Variants in RAB20 observed in about 807,000 individuals in gnomAD.
The protein encoded by RAB20 is RAB20, member RAS oncogene family, also known as ras-related protein Rab-20.
RAB20 carries 2 observed loss-of-function variants against 3.7 expected under a neutral mutation model. The ratio of observed to expected loss-of-function variants is 0.54; its 90% CI spans 0.22 to 1.69. The LOEUF is 1.69. RAB20 is among the 40% of genes most tolerant of loss of function. The pLI, the probability that RAB20 is intolerant of heterozygous loss-of-function variation, is 0.19. For synonymous variants in RAB20, 126 were observed against 130.8 expected, an observed-to-expected ratio of 0.96 and a Z score of 0.25; for missense variants, 276 against 311.9, an observed-to-expected ratio of 0.88 and a Z score of 0.87.
chr13:110,561,482 TC>T lies in RAB20; in HGVS notation c.37del (p.Asp13ThrfsTer2). 6.3e-7 allele frequency: 1 copy of T among 1,596,700 alleles called. No individual in the cohort carries two copies. ...KPDSKIVLLGDMNVGKTSLLQ... is the reference protein window; with the variant it reads ...KPDSKIVLLGXMNVGKTSLLQ... ...CAGCGACGTCTTCCCCACGTTCATGTCCCCCAGGAGCACGATCTTGCTGTCG... is the reference window on the plus strand; with the variant it reads ...CAGCGACGTCTTCCCCACGTTCATGTCCCCAGGAGCACGATCTTGCTGTCG... On this transcript the variant is annotated frameshift_variant, in exon 1 of 2. Coordinates refer to ENST00000267328, the MANE Select transcript of RAB20 (RefSeq NM_017817.3). LOFTEE classifies it high-confidence loss of function.
At chr13:110,533,167 G>T (rs975065659) in intron 1 of RAB20, among the ~76,000 whole-genome samples, 1 of 152,236 alleles carries the variant, frequency 6.6e-6, no homozygotes. Flanking sequence ...GAGGAGCTGT[G>T]ACACACTTCC....
chr13:110,523,999 G>A lies in RAB20; in HGVS notation c.371C>T (p.Ala124Val), dbSNP rs374755378. Reference protein sequence around the residue: ...KVDLTEEGALAGQEKEECSPN... With the variant: ...KVDLTEEGALVGQEKEECSPN... ...ACTGCACTCTTCCTTCTCCTGGCCC[G>A]CCAAGGCCCCCTCCTCAGTGAGGTC... is the stretch of plus-strand genomic sequence containing the variant. Residue 124 changes from alanine to valine, a missense_variant, in exon 2 of 2, where the codon GCG (alanine) becomes GTG (valine). By Grantham distance (64) the Ala-to-Val change is moderately conservative. Coordinates refer to ENST00000267328, the MANE Select transcript of RAB20 (RefSeq NM_017817.3). 13 of 1,614,020 alleles carry A rather than the reference G, an allele frequency of 8.1e-6. No homozygotes were observed. The highest frequency in any genetic ancestry group is 4.0e-5 in the African/African-American group (3 of 75,022).
intron 1 of RAB20, 135 bp downstream of exon 1, chr13:110,561,213 G>T: frequency 8.4e-7 from 1 of 1,188,186 alleles, no homozygotes; most frequent in Non-Finnish European, 1.1e-6. Flanking sequence ...AGGACGAGTG[G>T]GAAACCCCGA....
At chr13:110,557,192 T>C (rs1389185238) in intron 1 of RAB20, among the ~76,000 whole-genome samples, 1 of 152,142 alleles carries the variant, frequency 6.6e-6, no homozygotes, top group African/African-American at 2.4e-5. Context: ...AGGGAGGATG[T>C]GGTGCCAGAG....
chr13:110,537,543 G>C (rs1025519019), intron 1 of RAB20, among the ~76,000 whole-genome samples: 1 of 151,906 alleles, frequency 6.6e-6, no homozygotes, highest in Admixed American at 6.6e-5. Flanking sequence ...AACTCATAAA[G>C]AGGAAAGTGT....
chr13:110,561,303 C>T (rs745591923), intron 1 of RAB20, 45 bp downstream of exon 1: 31 of 1,512,172 alleles, frequency 2.1e-5, no homozygotes, highest in African/African-American at 4.3e-5. Context: ...CCCCCGTCCC[C>T]GGCGGAGCCC....
intron 1 of RAB20, among the ~76,000 whole-genome samples, chr13:110,538,003 G>A (rs914836089): frequency 9.2e-5 from 14 of 152,116 alleles, no homozygotes; most frequent in African/African-American, 2.4e-5. Flanking sequence ...AAGAATGAAG[G>A]CCAAGCCAGG....
chr13:110,552,190 C>T (rs998357133), intron 1 of RAB20, among the ~76,000 whole-genome samples: 1 of 151,224 alleles, frequency 6.6e-6, no homozygotes, highest in African/African-American at 2.4e-5. Context: ...ACTCGCCTGA[C>T]CAACATGGTG....
chr13:110,557,691 C>T (rs1453201981), intron 1 of RAB20, among the ~76,000 whole-genome samples: 1 of 152,268 alleles, frequency 6.6e-6, no homozygotes, highest in Non-Finnish European at 1.5e-5. Context: ...GAGCTGGATG[C>T]CGGCACAGGG....
rs763564798 is a variant in RAB20 at position 110,561,349 on chromosome 13, T to C, written c.171A>G (p.Ala57=). 3 of 1,599,304 alleles carry C rather than the reference T, an allele frequency of 1.9e-6. No homozygotes were observed. Among genetic ancestry groups the C allele is most frequent in the Admixed American group, 1.7e-5 (1 of 58,560 alleles). ...TGGCTCATGCGGCGCCGGCCTCACC[T>C]GCGGTGTCCCAGATGGAGATGTTGT... ...RSYNISIWDT[A]GREQFHGLGS... The change falls in exon 1 of 2, where the codon GCA becomes GCG. Residue 57 remains alanine (A), a splice_region_variant and synonymous_variant. Coordinates refer to ENST00000267328, the MANE Select transcript of RAB20 (RefSeq NM_017817.3).
chr13:110,544,860 T>C (rs567367943), intron 1 of RAB20, among the ~76,000 whole-genome samples: 1 of 152,318 alleles, frequency 6.6e-6, no homozygotes, highest in African/African-American at 2.4e-5. Flanking sequence ...GAATTGTATC[T>C]CCCAGAATTC....
intron 1 of RAB20, among the ~76,000 whole-genome samples, 155 bp downstream of exon 1, chr13:110,561,193 C>G (rs1885122194): frequency 1.3e-5 from 2 of 152,236 alleles, no homozygotes; most frequent in South Asian, 4.1e-4. Context: ...CTCAGCCCAA[C>G]CAGCAAGGGA....
At chr13:110,558,556 G>C (rs9521842) in intron 1 of RAB20, among the ~76,000 whole-genome samples, 1 of 151,380 alleles carries the variant, frequency 6.6e-6, no homozygotes, top group African/African-American at 2.4e-5. Flanking sequence ...GCTAATTTTT[G>C]TATTTTTAGT....
At position 110,523,727 on chromosome 13, in the gene RAB20, G is replaced by C; in HGVS notation, c.643C>G (p.His215Asp). 10 of 1,614,200 alleles carry C rather than the reference G, an allele frequency of 6.2e-6. No individual in the cohort carries two copies. Among genetic ancestry groups the C allele is most frequent in the Non-Finnish European group, 6.8e-6 (8 of 1,180,042 alleles). The change falls in exon 2 of 2, where the codon CAC becomes GAC. Residue 215 changes from histidine to aspartate, a missense_variant. Physicochemically the swap from His to Asp is moderately conservative, Grantham distance 81. Coordinates refer to ENST00000267328, the MANE Select transcript of RAB20 (RefSeq NM_017817.3). ...ILQQRAERPS[H>D]TVDISSHKPP... is the part of the protein sequence containing the mutation. ...TTATGACTGGATATATCCACTGTGT[G>C]TGACGGCCTCTCAGCTCTCTGCTGT...
In RAB20 at chr13:110,548,499, C is replaced by CAA. The variant is rs58997928; in HGVS notation, c.172+12847_172+12848dup. 2.1e-4 allele frequency among the ~76,000 whole-genome samples: 32 copies of CAA among 149,836 alleles called. No individual in the cohort carries two copies. The South Asian group carries it at 2.4e-3, about 11-fold the overall frequency. Reference sequence around the variant, plus strand: ...ACTGTCTCAAAAACAAAAATAAAAACAAAAAAAAACTCTTGTCATTCTGGA... The same window carrying CAA: ...ACTGTCTCAAAAACAAAAATAAAAACAAAAAAAAAAACTCTTGTCATTCTGGA... On this transcript the variant is annotated intron_variant, in intron 1 of 1. Transcript: ENST00000267328.
chr13:110,531,607 A>C (rs1175255869), intron 1 of RAB20, among the ~76,000 whole-genome samples: 1 of 152,198 alleles, frequency 6.6e-6, no homozygotes. Context: ...AACTGGCTGG[A>C]GCTGCACCCA....
At chr13:110,532,744 T>C (rs1240604566) in intron 1 of RAB20, among the ~76,000 whole-genome samples, 2 of 152,194 alleles carry the variant, frequency 1.3e-5, no homozygotes, top group Non-Finnish European at 2.9e-5. Flanking sequence ...AGTGGTACGA[T>C]CATGGCTCAA....
chr13:110,554,058 T>C (rs1011524099), intron 1 of RAB20, among the ~76,000 whole-genome samples: 3 of 152,184 alleles, frequency 2.0e-5, no homozygotes, highest in Non-Finnish European at 4.4e-5. Context: ...GAAGTTACAG[T>C]GAGCTGTGGT....
rs928859166 is a variant in RAB20, at chr13:110,555,954, G to A, written c.172+5394C>T. ...TGTAACCTCAGTGACAGGCACCCAA[G>A]GCCAGGAGACAATGTTTGTTTAGCA... On this transcript the variant is annotated intron_variant, in intron 1 of 1. Transcript: ENST00000267328. This position sits in a 1 kb window ranked among gnomAD's most constrained non-coding sequence, Gnocchi z 4.0. 6.6e-6 allele frequency among the ~76,000 whole-genome samples: 1 copy of A among 152,194 alleles called. No homozygotes were observed. Among genetic ancestry groups the A allele is most frequent in the Admixed American group, 6.5e-5 (1 of 15,278 alleles).
Sources: allele counts gnomAD v4.1 joint callset (sites outside exome capture counted in the v4.1 genomes callset), GRCh38; gene constraint gnomAD v4.1.1; non-coding constraint Gnocchi (gnomAD v3.1); transcripts MANE v1.5; gene names NCBI Gene and HGNC (gene_info 2026-07-23, HGNC 2026-07-21).